TTC1: variants seen among roughly 807,000 people sequenced by gnomAD.
The protein encoded by TTC1 is tetratricopeptide repeat protein 1.
In TTC1, 31 loss-of-function variants were observed where a neutral mutation model predicts 37.6. The ratio of observed to expected loss-of-function variants is 0.82; its 90% CI spans 0.62 to 1.11. The LOEUF is 1.11. Among genes scored for constraint, TTC1 ranks in the 50% most tolerant of loss-of-function variants. The pLI is 0.00. For synonymous variants in TTC1, 127 were observed against 122.4 expected (o/e 1.04, Z -0.25); for missense variants, 351 against 339.0 (o/e 1.04, Z -0.28).
At chr5:160,051,082 G>GTTT (rs5872626) in intron 6 of TTC1, 47 bp from the exon 7 acceptor site, 116 of 1,236,422 alleles carry the variant, frequency 9.4e-5, no homozygotes, top group South Asian at 3.3e-4. Context: ...AAAGGTTTTG[G>GTTT]TTTTTTTTTT....
intron 7 of TTC1, among the ~76,000 whole-genome samples, chr5:160,058,484 C>T (rs1757606766): frequency 6.7e-6 from 1 of 149,192 alleles, no homozygotes; most frequent in Non-Finnish European, 1.5e-5. Context: ...GATCTCGGCT[C>T]AGTGCAAGCT....
chr5:160,027,411 C>T (rs576302740), intron 2 of TTC1, among the ~76,000 whole-genome samples: 1 of 152,316 alleles, frequency 6.6e-6, no homozygotes, highest in South Asian at 2.1e-4. Flanking sequence ...TCCTCTCCTC[C>T]ACTTCGAACT....
At chr5:160,044,455 C>T (rs1757164168) in intron 5 of TTC1, among the ~76,000 whole-genome samples, 1 of 152,212 alleles carries the variant, frequency 6.6e-6, no homozygotes, top group Admixed American at 6.5e-5. Flanking sequence ...GGGTGGATTA[C>T]TCATGAGATT....
intron 2 of TTC1, among the ~76,000 whole-genome samples, chr5:160,014,482 A>G (rs954883790): frequency 1.3e-5 from 2 of 151,962 alleles, no homozygotes; most frequent in African/African-American, 2.4e-5. Flanking sequence ...TGGGCAACAT[A>G]GTGAGACCCT....
At chr5:160,032,765 G>A (rs1352796351) in intron 2 of TTC1, among the ~76,000 whole-genome samples, 3 of 129,312 alleles carry the variant, frequency 2.3e-5, no homozygotes, top group Admixed American at 1.9e-4. Context: ...CCAGGCTAGA[G>A]TGCAGTGGCG....
chr5:160,022,250 C>T (rs1204078165), intron 2 of TTC1, among the ~76,000 whole-genome samples: 1 of 152,030 alleles, frequency 6.6e-6, no homozygotes. Context: ...ATTCACTGAC[C>T]TAAAGTAAAA....
chr5:160,039,595 C>T (rs780384946), intron 4 of TTC1, among the ~76,000 whole-genome samples: 1 of 151,824 alleles, frequency 6.6e-6, no homozygotes, highest in Non-Finnish European at 1.5e-5. Flanking sequence ...TTCCATAATT[C>T]CTTGATTTGA....
chr5:160,051,212 A>C, intron 7 of TTC1, 29 bp downstream of exon 7: 1 of 1,586,570 alleles, frequency 6.3e-7, no homozygotes, highest in Non-Finnish European at 8.6e-7. Context: ...TTGCTTGATC[A>C]TAAACAGCTA....
intron 1 of TTC1, 27 bp from the exon 2 acceptor site, chr5:160,010,473 T>C: frequency 1.4e-6 from 2 of 1,465,168 alleles, no homozygotes; most frequent in Non-Finnish European, 1.9e-6. Flanking sequence ...CACCATTATA[T>C]AGCAGTTTTG....
chr5:160,013,049 A>G (rs1225082851), intron 2 of TTC1, among the ~76,000 whole-genome samples: 1 of 152,222 alleles, frequency 6.6e-6, no homozygotes, highest in Non-Finnish European at 1.5e-5. Flanking sequence ...ATTCATTTAT[A>G]TATCAGTCTA....
At chr5:160,061,359 T>G (rs1303820098) in intron 7 of TTC1, among the ~76,000 whole-genome samples, 1 of 152,248 alleles carries the variant, frequency 6.6e-6, no homozygotes, top group Non-Finnish European at 1.5e-5. Context: ...CTGACTCTCG[T>G]AGCATTTTAT....
chr5:160,029,408 C>T (rs1756865998), intron 2 of TTC1, among the ~76,000 whole-genome samples: 1 of 147,990 alleles, frequency 6.8e-6, no homozygotes, highest in Non-Finnish European at 1.5e-5. Context: ...TTGGGAGGCT[C>T]TGGTGGGAGG....
chr5:160,040,210 A>G (rs1282661908), intron 4 of TTC1, among the ~76,000 whole-genome samples: 3 of 152,188 alleles, frequency 2.0e-5, no homozygotes, highest in Non-Finnish European at 1.5e-5. Flanking sequence ...AAAATGCAGT[A>G]TTTTTTAAAT....
chr5:160,043,238 C>G (rs1282856325), intron 5 of TTC1, 69 bp downstream of exon 5: 3 of 1,560,096 alleles, frequency 1.9e-6, no homozygotes, highest in South Asian at 2.3e-5. Context: ...GGCTTTGGGT[C>G]AGGTGTGCAC....
intron 2 of TTC1, among the ~76,000 whole-genome samples, chr5:160,027,619 C>T (rs899103343): frequency 2.6e-5 from 4 of 152,162 alleles, no homozygotes; most frequent in Non-Finnish European, 5.9e-5. Flanking sequence ...CTGTCATTTC[C>T]TCCAGCCTGA....
chr5:160,048,142 T>C (rs1372226122), intron 5 of TTC1, among the ~76,000 whole-genome samples: 1 of 132,564 alleles, frequency 7.5e-6, no homozygotes, highest in African/African-American at 2.9e-5. Context: ...TTTTTTTTTT[T>C]TTTTTTTTTT....
At chr5:160,024,113 G>A (rs2113354192) in intron 2 of TTC1, 1 of 737,034 alleles carries the variant, frequency 1.4e-6, no homozygotes. Context: ...TCTGTGCTGT[G>A]TACATAGCAC....
At chr5:160,028,022 G>A (rs1045530376) in intron 2 of TTC1, among the ~76,000 whole-genome samples, 3 of 152,032 alleles carry the variant, frequency 2.0e-5, no homozygotes, top group Admixed American at 6.5e-5. Context: ...AGCCTTGGCC[G>A]GGCGCGGTGG....
rs1337009019 is a variant in TTC1 at position 160,065,141 on chromosome 5, A to C, written c.*76A>C. On this transcript the variant is annotated 3_prime_UTR_variant, in exon 8 of 8. Coordinates refer to ENST00000231238, the MANE Select transcript of TTC1 (RefSeq NM_003314.3). The stretch of plus-strand genomic sequence containing the variant: ...TGTTAGCTAGGGGAAAGGCCCTGCC[A>C]ATGTTTAACTTTTAAAAGCATCTTA... The C allele has an allele frequency of 3.3e-5, 51 of 1,560,648 alleles. No homozygotes were observed. The highest frequency in any genetic ancestry group is 4.0e-5 in the Non-Finnish European group (46 of 1,157,836).
Sources: allele counts gnomAD v4.1 joint callset (sites outside exome capture counted in the v4.1 genomes callset), GRCh38; gene constraint gnomAD v4.1.1; transcripts MANE v1.5; gene names NCBI Gene and HGNC (gene_info 2026-07-23, HGNC 2026-07-21).